The following SIK2 variants were observed in gnomAD, a reference collection of about 807,000 sequenced individuals.
The protein encoded by SIK2 is serine/threonine-protein kinase SIK2.
A neutral mutation model predicts 103.2 loss-of-function variants in SIK2; 29 were observed. The ratio of observed to expected loss-of-function variants is 0.28; its 90% CI spans 0.21 to 0.38. The LOEUF is 0.38. Among genes scored for constraint, SIK2 ranks in the 10% least tolerant of loss-of-function variants. SIK2 has a pLI of 1.00. For missense variants in SIK2, 879 were observed against 1,171.0 expected (o/e 0.75, Z 3.64); for synonymous variants, 412 against 446.1 (o/e 0.92, Z 0.96).
rs1943963686 is a variant in SIK2 at position 111,726,287 on chromosome 11, GC to G, written c.*2160del. ...ACATAAACTCCTGCCCCCCAACAAT[GC>G]CATGAGCTGCTTAGCCCAGGAGACC... On this transcript the variant is annotated 3_prime_UTR_variant, in exon 15 of 15. Coordinates refer to ENST00000304987, the MANE Select transcript of SIK2 (RefSeq NM_015191.3). 6.6e-6 allele frequency: 1 copy of G among 152,224 alleles called. No homozygotes were observed. Among genetic ancestry groups the G allele is most frequent in the Non-Finnish European group, 1.5e-5 (1 of 68,058 alleles). The allele number at this position is 152,224 out of a possible 1,614,324, so 9.4% of individuals were successfully genotyped here.
rs545990050 is a variant in SIK2, at chr11:111,718,374, C to A, written c.1267-1401C>A. Among the ~76,000 whole-genome samples the A allele has an allele frequency of 3.9e-5, 6 of 152,280 alleles. No individual in the cohort carries two copies. In the South Asian group the frequency reaches 1.2e-3, roughly 32 times the overall value. The stretch of plus-strand genomic sequence containing the variant: ...ATCTGGGGAAGGACCAAGGAGAGAG[C>A]AAGAGTTGCTGGCCAGGTTTCAGAG... On this transcript the variant is annotated intron_variant, in intron 9 of 14. Coordinates refer to ENST00000304987, the MANE Select transcript of SIK2 (RefSeq NM_015191.3).
chr11:111,662,916 G>C (rs749845211), intron 3 of SIK2, among the ~76,000 whole-genome samples: 1 of 151,182 alleles, frequency 6.6e-6, no homozygotes, highest in Non-Finnish European at 1.5e-5. Flanking sequence ...AATAGCAAGT[G>C]GTGAAGAGTA....
chr11:111,604,077 G>A (rs1288002009), intron 1 of SIK2, among the ~76,000 whole-genome samples: 1 of 152,224 alleles, frequency 6.6e-6, no homozygotes, highest in African/African-American at 2.4e-5. Flanking sequence ...ACCAAGGTCA[G>A]ATATTTTCTT....
chr11:111,727,648 A>G lies in SIK2; in HGVS notation c.*3519A>G, dbSNP rs1460344439. On this transcript the variant is annotated 3_prime_UTR_variant, in exon 15 of 15. Coordinates refer to ENST00000304987, the MANE Select transcript of SIK2 (RefSeq NM_015191.3). ...CTCCCCCACCTCCACCCACACACCG[A>G]GTGTCATCAGTCCTAAAGGCAGGGA... 1 of 153,862 alleles carries G rather than the reference A, an allele frequency of 6.5e-6. No individual in the cohort carries two copies. The highest frequency in any genetic ancestry group is 1.4e-5 in the Non-Finnish European group (1 of 69,156). The allele number at this position is 153,862 out of a possible 1,614,324, so 9.5% of individuals were successfully genotyped here. A position where few individuals can be genotyped will look rare whatever the true frequency, so the allele number is the denominator to read the frequency against.
chr11:111,692,387 A>AC (rs1942967017), intron 4 of SIK2, among the ~76,000 whole-genome samples: 6 of 113,484 alleles, frequency 5.3e-5, no homozygotes, highest in African/African-American at 1.9e-4. Flanking sequence ...AAAAAAAAAA[A>AC]ACACAAAAAG....
chr11:111,673,395 A>G (rs1942654491), intron 3 of SIK2, among the ~76,000 whole-genome samples: 1 of 152,222 alleles, frequency 6.6e-6, no homozygotes, highest in South Asian at 2.1e-4. Context: ...GCTTTGTGAA[A>G]TGTCAGGTCT....
rs1943972308 is a variant in SIK2, at chr11:111,726,520, T to TATC, written c.*2392_*2394dup. On this transcript the variant is annotated 3_prime_UTR_variant, in exon 15 of 15. Transcript: ENST00000304987. ...CCTGTGTTGTAAGCTCCTATTTGCT[T>TATC]ATCTTGTTTATTTCAAGCAGAAATC... is the stretch of plus-strand genomic sequence containing the variant. The TATC allele has an allele frequency of 6.3e-6, 1 of 158,484 alleles. No individual in the cohort carries two copies. The highest frequency in any genetic ancestry group is 2.4e-5 in the African/African-American group (1 of 41,548). The allele number at this position is 158,484 out of a possible 1,614,324, so 9.8% of individuals were successfully genotyped here. A position where few individuals can be genotyped will look rare whatever the true frequency, so the allele number is the denominator to read the frequency against.
chr11:111,692,829 C>T (rs12284326), intron 4 of SIK2, among the ~76,000 whole-genome samples: 19 of 150,750 alleles, frequency 1.3e-4, no homozygotes, highest in African/African-American at 4.6e-4. Flanking sequence ...TTTTTTTTGG[C>T]TTATGAAAAT....
chr11:111,661,618 C>T (rs746371444), intron 3 of SIK2, among the ~76,000 whole-genome samples: 8 of 152,160 alleles, frequency 5.3e-5, no homozygotes, highest in Non-Finnish European at 1.0e-4. Context: ...TTAGTTGATT[C>T]TCATACTGCT....
chr11:111,644,362 G>A (rs975562071), intron 3 of SIK2, among the ~76,000 whole-genome samples: 17 of 151,026 alleles, frequency 1.1e-4, no homozygotes, highest in African/African-American at 4.1e-4. Context: ...CCTGAAAGGA[G>A]TAAAGCCAAA....
At position 111,723,799 on chromosome 11, in the gene SIK2, G is replaced by A. The variant is rs775009998; in HGVS notation, c.2451G>A (p.Gln817=). ...GPRAAPPLPT[Q]LQQQQPPPPP... is the part of the protein sequence containing the mutation. ...GGGCTGCTCCTCCTCTGCCCACGCA[G>A]CTACAGCAGCAGCAGCCGCCACCGC... Residue 817 remains glutamine (Q), a synonymous_variant, in exon 15 of 15, where the codon CAG becomes CAA. Coordinates refer to ENST00000304987, the MANE Select transcript of SIK2 (RefSeq NM_015191.3). 1 of 1,613,832 alleles carries A rather than the reference G, an allele frequency of 6.2e-7. No individual in the cohort carries two copies. Among genetic ancestry groups the A allele is most frequent in the Non-Finnish European group, 8.5e-7 (1 of 1,180,036 alleles).
At chr11:111,689,603 G>A (rs1404211991) in intron 4 of SIK2, among the ~76,000 whole-genome samples, 1 of 152,132 alleles carries the variant, frequency 6.6e-6, no homozygotes, top group Non-Finnish European at 1.5e-5. Context: ...AGAAGAGCAG[G>A]GAGACATCCA....
chr11:111,671,952 G>T (rs1356449126), intron 3 of SIK2: 10 of 495,024 alleles, frequency 2.0e-5, no homozygotes, highest in Non-Finnish European at 3.6e-5. Flanking sequence ...AAAGGGTGTT[G>T]ATGTGGCTCT....
At position 111,703,352 on chromosome 11, in the gene SIK2, A is replaced by G. The variant is rs751534643; in HGVS notation, c.877A>G (p.Ile293Val). 13 of 1,614,178 alleles carry G rather than the reference A, an allele frequency of 8.1e-6. No homozygotes were observed. The highest frequency in any genetic ancestry group is 2.2e-5 in the East Asian group (1 of 44,878). ...YPQEQENEPS[I>V]GEFNEQVLRL... is the part of the protein sequence containing the mutation. Reference sequence around the variant, plus strand: ...ACAAGAGCAAGAAAATGAGCCATCCATCGGGGAGTTTAATGAGCAGGTTCT... The same window carrying G: ...ACAAGAGCAAGAAAATGAGCCATCCGTCGGGGAGTTTAATGAGCAGGTTCT... Residue 293 changes from isoleucine (I) to valine (V), a missense_variant, in exon 7 of 15, where the codon ATC becomes GTC. Transcript: ENST00000304987.
At position 111,705,913 on chromosome 11, in the gene SIK2, T is replaced by C. The variant is rs1339314103; in HGVS notation, c.1101+774T>C. On this transcript the variant is annotated intron_variant, in intron 8 of 14. Coordinates refer to ENST00000304987, the MANE Select transcript of SIK2 (RefSeq NM_015191.3). The surrounding 1 kb of genome is among the most constrained non-coding windows in gnomAD (Gnocchi z 4.3). Reference sequence around the variant, plus strand: ...GATGAGAAATACCGAAGGCTTAAACTCATATGGCACTGTTGGAAGTAGAAA... The same window carrying C: ...GATGAGAAATACCGAAGGCTTAAACCCATATGGCACTGTTGGAAGTAGAAA... 4.6e-5 allele frequency among the ~76,000 whole-genome samples: 7 copies of C among 152,170 alleles called. No individual in the cohort carries two copies. The highest frequency in any genetic ancestry group is 1.7e-4 in the African/African-American group (7 of 41,440).
At chr11:111,718,820 T>C (rs1416394885) in intron 9 of SIK2, 1 of 152,216 alleles carries the variant, frequency 6.6e-6, no homozygotes, top group African/African-American at 2.4e-5. Context: ...CAGCTATTCA[T>C]AGGAGAAAAT....
chr11:111,669,486 C>G (rs1473613177), intron 3 of SIK2, among the ~76,000 whole-genome samples: 2 of 152,126 alleles, frequency 1.3e-5, no homozygotes, highest in Non-Finnish European at 2.9e-5. Context: ...GTCCCAGCTA[C>G]TCTGGAGGCT....
rs1422100576 is a variant in SIK2 at position 111,612,198 on chromosome 11, T to C, written c.136-4045T>C. Among the ~76,000 whole-genome samples, 3 of 152,198 alleles carry C rather than the reference T, an allele frequency of 2.0e-5. No individual in the cohort carries two copies. In the East Asian group the frequency reaches 5.8e-4, roughly 29 times the overall value. On this transcript the variant is annotated intron_variant, in intron 1 of 14. Coordinates refer to ENST00000304987, the MANE Select transcript of SIK2 (RefSeq NM_015191.3). ...TTTTCTTCCTTAATTCATTAGAGCT[T>C]TAAGACCTTTGTTGATTATGTGACA...
chr11:111,700,939 G>A lies in SIK2; in HGVS notation c.532G>A (p.Gly178Ser). 1 of 1,614,064 alleles carries A rather than the reference G, an allele frequency of 6.2e-7. No individual in the cohort carries two copies. Among genetic ancestry groups the A allele is most frequent in the Non-Finnish European group, 8.5e-7 (1 of 1,179,970 alleles). Residue 178 changes from glycine (G) to serine (S), a missense_variant, in exon 5 of 15, where the codon GGC becomes AGC. Coordinates refer to ENST00000304987, the MANE Select transcript of SIK2 (RefSeq NM_015191.3). ...KSGELLATWC[G>S]SPPYAAPEVF... ...TGGTGAACTGCTGGCAACATGGTGT[G>A]GCAGCCCCCCTTATGCAGCCCCAGA...
Sources: gnomAD v4.1 joint callset for allele counts (sites outside exome capture counted in the v4.1 genomes callset) on GRCh38, gnomAD v4.1.1 for gene constraint, Gnocchi (gnomAD v3.1) non-coding constraint, MANE v1.5 for transcripts, NCBI Gene and HGNC (gene_info 2026-07-23, HGNC 2026-07-21) for gene names.